The following FREM2 variants were observed in gnomAD, a reference collection of about 807,000 sequenced individuals.
FREM2 encodes the protein FRAS1-related extracellular matrix protein 2.
In FREM2, 119 loss-of-function variants were observed where a neutral mutation model predicts 219.9. The ratio of observed to expected loss-of-function variants is 0.54; its 90% CI spans 0.47 to 0.63. The LOEUF is 0.63. Ranked by LOEUF, FREM2 falls within the 30% of genes least tolerant of loss-of-function variation. The pLI is 0.00. For missense variants in FREM2, 4,030 were observed against 3,993.6 expected (o/e 1.01, Z -0.25); for synonymous variants, 1,562 against 1,522.8 (o/e 1.03, Z -0.60).
At chr13:38,711,921 T>A (rs2496436) in intron 2 of FREM2, among the ~76,000 whole-genome samples, 1 of 137,944 alleles carries the variant, frequency 7.2e-6, no homozygotes. Flanking sequence ...TTCTTTTTTT[T>A]TTTTTTTTTT....
rs1870183712 is a variant in FREM2, at chr13:38,697,915, T to A, written c.5263+128T>A. On this transcript the variant is annotated intron_variant, in intron 2 of 23. Coordinates refer to ENST00000280481, the MANE Select transcript of FREM2 (RefSeq NM_207361.6). ...TGATCACCTAAATTTAACCTGGTAT[T>A]TGCTGTAGACAATTTTACAATCTCA... 5.3e-5 allele frequency: 38 copies of A among 711,564 alleles called. No homozygotes were observed. The South Asian group carries it at 5.7e-4, about 11-fold the overall frequency. 44.1% of individuals were successfully genotyped at this position (711,564 alleles called of 1,614,324 possible).
chr13:38,822,265 A>G (rs1040978571), intron 6 of FREM2, among the ~76,000 whole-genome samples: 2 of 151,910 alleles, frequency 1.3e-5, no homozygotes, highest in Non-Finnish European at 1.5e-5. Context: ...TTCACAAACA[A>G]TGGGTTTCAC....
chr13:38,733,677 A>G (rs1871861973), intron 2 of FREM2, among the ~76,000 whole-genome samples: 1 of 152,054 alleles, frequency 6.6e-6, no homozygotes, highest in South Asian at 2.1e-4. Flanking sequence ...ATTTTATGTT[A>G]TTTTATTTTA....
chr13:38,859,701 G>T (rs1378114968), intron 14 of FREM2, 111 bp downstream of exon 14: 3 of 1,056,180 alleles, frequency 2.8e-6, no homozygotes, highest in East Asian at 2.6e-5. Flanking sequence ...CATATATTTT[G>T]TAAGTAGTGA....
chr13:38,846,983 G>T (rs189603518), intron 7 of FREM2, among the ~76,000 whole-genome samples: 1 of 152,098 alleles, frequency 6.6e-6, no homozygotes, highest in Non-Finnish European at 1.5e-5. Flanking sequence ...ATATTTCCAT[G>T]AAGTGGTTCT....
At position 38,692,011 on chromosome 13, in the gene FREM2, T is replaced by A; in HGVS notation, c.4667T>A (p.Leu1556His). ...AACAAGCTGATTACTCCTTTTGAGC[T>A]CACTGTCGAAGACAGAGATACTCCT... Reference protein sequence around the residue: ...SENKLITPFELTVEDRDTPDK... With the variant: ...SENKLITPFEHTVEDRDTPDK... The change falls in exon 1 of 24, where the codon CTC becomes CAC. Residue 1556 changes from leucine (L) to histidine (H), a missense_variant. Physicochemically the swap from Leu to His is moderately conservative, Grantham distance 99 (BLOSUM62 -3). This residue lies in a region of FREM2 where 3,102 missense variants were observed against 2,950.7 expected (regional missense o/e 1.05). Transcript: ENST00000280481. 1 of 1,614,212 alleles carries A rather than the reference T, an allele frequency of 6.2e-7. No individual in the cohort carries two copies. Among genetic ancestry groups the A allele is most frequent in the Non-Finnish European group, 8.5e-7 (1 of 1,180,040 alleles).
chr13:38,733,323 T>C (rs1234796538), intron 2 of FREM2, among the ~76,000 whole-genome samples: 1 of 151,746 alleles, frequency 6.6e-6, no homozygotes, highest in African/African-American at 2.4e-5. Context: ...GGTTTTTTTT[T>C]TTTTCTAATG....
At chr13:38,795,698 T>C (rs1247876996) in intron 6 of FREM2, among the ~76,000 whole-genome samples, 1 of 152,166 alleles carries the variant, frequency 6.6e-6, no homozygotes, top group East Asian at 1.9e-4. Context: ...TTCTGTATAA[T>C]TACATATTTG....
chr13:38,782,410 A>G (rs1318074160), intron 4 of FREM2, among the ~76,000 whole-genome samples: 4 of 152,144 alleles, frequency 2.6e-5, no homozygotes, highest in Non-Finnish European at 4.4e-5. Flanking sequence ...CATTGGTAAT[A>G]TTGTATATGT....
At chr13:38,799,266 T>G (rs1874916262) in intron 6 of FREM2, among the ~76,000 whole-genome samples, 1 of 152,032 alleles carries the variant, frequency 6.6e-6, no homozygotes, top group South Asian at 2.1e-4. Flanking sequence ...TGTATTTGTA[T>G]AGGTTCCAAA....
At position 38,691,804 on chromosome 13, in the gene FREM2, T is replaced by A. The variant is rs1869880832; in HGVS notation, c.4460T>A (p.Leu1487Gln). The A allele has an allele frequency of 6.2e-7, 1 of 1,614,178 alleles. No homozygotes were observed. Among genetic ancestry groups the A allele is most frequent in the African/African-American group, 1.3e-5 (1 of 75,056 alleles). ...ATCACGTCTTTCACTCAGCTGCAAC[T>A]GGCTGGAAACAAAATCTACTACATC... ...VSITSFTQLQ[L>Q]AGNKIYYIHT... is the part of the protein sequence containing the mutation. Residue 1487 changes from leucine (L) to glutamine (Q), a missense_variant, in exon 1 of 24, where the codon CTG becomes CAG. By Grantham distance (113) the Leu-to-Gln change is moderately radical. Transcript: ENST00000280481.
At chr13:38,811,334 TCTA>T (rs1235757995) in intron 6 of FREM2, among the ~76,000 whole-genome samples, 4 of 152,080 alleles carry the variant, frequency 2.6e-5, no homozygotes. Context: ...TATTAATTCT[TCTA>T]CTAATTTTGG....
rs1234314878 is a variant in FREM2 at position 38,690,397 on chromosome 13, A to C, written c.3053A>C (p.His1018Pro). ...DILEGSVVYT[H>P]TSGEIGLLPK... Reference sequence around the variant, plus strand: ...TTGGAGGGCTCTGTTGTATATACCCACACCAGTGGTGAGATAGGCCTATTG... The same window carrying C: ...TTGGAGGGCTCTGTTGTATATACCCCCACCAGTGGTGAGATAGGCCTATTG... The change falls in exon 1 of 24, where the codon CAC (histidine) becomes CCC (proline). Residue 1018 changes from histidine (H) to proline (P), a missense_variant. This residue lies in a region of FREM2 where 3,102 missense variants were observed against 2,950.7 expected (regional missense o/e 1.05). Transcript: ENST00000280481. 1.2e-6 allele frequency: 2 copies of C among 1,614,150 alleles called. No homozygotes were observed. Among genetic ancestry groups the C allele is most frequent in the Non-Finnish European group, 1.7e-6 (2 of 1,179,988 alleles).
chr13:38,835,573 A>G (rs1876676271), intron 6 of FREM2, among the ~76,000 whole-genome samples: 1 of 152,248 alleles, frequency 6.6e-6, no homozygotes, highest in Admixed American at 6.5e-5. Context: ...CTTCCTATCC[A>G]TGAGCATGGA....
chr13:38,814,595 A>T (rs1875687036), intron 6 of FREM2, among the ~76,000 whole-genome samples: 1 of 152,136 alleles, frequency 6.6e-6, no homozygotes, highest in Admixed American at 6.5e-5. Flanking sequence ...AACTATGCTG[A>T]GTCACACCTG....
At chr13:38,846,867 G>T in intron 7 of FREM2, 145 bp downstream of exon 7, 1 of 870,596 alleles carries the variant, frequency 1.1e-6, no homozygotes. Flanking sequence ...ACTCTAGGAG[G>T]TAAATCTAGG....
chr13:38,784,659 G>C lies in FREM2; in HGVS notation c.5870G>C (p.Arg1957Pro), dbSNP rs184872751. The stretch of plus-strand genomic sequence containing the variant: ...GTTGTCCGCTTTGACAAAGATGAAC[G>C]GGAGAAACTGTGTCGGATAGTCATA... ...TSVVRFDKDE[R>P]EKLCRIVIID... The change falls in exon 6 of 24, where the codon CGG becomes CCG. Residue 1957 changes from arginine to proline, a missense_variant. Transcript: ENST00000280481. 1.2e-6 allele frequency: 2 copies of C among 1,614,132 alleles called. No homozygotes were observed. Among genetic ancestry groups the C allele is most frequent in the Non-Finnish European group, 1.7e-6 (2 of 1,180,010 alleles).
chr13:38,852,848 G>A (rs559986488), intron 11 of FREM2, among the ~76,000 whole-genome samples: 24 of 151,874 alleles, frequency 1.6e-4, no homozygotes, highest in Non-Finnish European at 1.0e-4. Context: ...AGGACTACAG[G>A]CATGCACCAC....
chr13:38,826,010 A>G (rs1049713589), intron 6 of FREM2, among the ~76,000 whole-genome samples: 3 of 152,160 alleles, frequency 2.0e-5, no homozygotes, highest in Non-Finnish European at 4.4e-5. Flanking sequence ...GCGTATGTTT[A>G]CAGCTTCTTG....
Sources: gnomAD v4.1 joint callset for allele counts (sites outside exome capture counted in the v4.1 genomes callset) on GRCh38, gnomAD v4.1.1 for gene constraint, gnomAD v4.1.1 regional missense constraint, MANE v1.5 for transcripts, NCBI Gene and HGNC (gene_info 2026-07-23, HGNC 2026-07-21) for gene names.